EGF: variants seen among roughly 807,000 people sequenced by gnomAD.
The protein encoded by EGF is epidermal growth factor, also known as pro-epidermal growth factor.
Under a neutral mutation model 143.8 loss-of-function variants are expected in EGF, and 95 were observed. The ratio of observed to expected loss-of-function variants is 0.66; its 90% CI spans 0.56 to 0.78. The LOEUF (loss-of-function observed/expected upper bound fraction) is 0.78, where lower values mean the gene tolerates loss of function less well. Among genes scored for constraint, EGF ranks in the 30% least tolerant of loss-of-function variants. EGF has a pLI of 0.00. For synonymous variants in EGF, 510 were observed against 510.5 expected, an observed-to-expected ratio of 1.00 and a Z score of 0.01; for missense variants, 1,320 against 1,470.9, an observed-to-expected ratio of 0.90 and a Z score of 1.68.
intron 8 of EGF, 72 bp downstream of exon 8, chr4:109,962,057 GA>G: frequency 6.2e-7 from 1 of 1,600,890 alleles, no homozygotes. Context: ...TCTAAAAATT[GA>G]TCTTGTTGTC....
intron 17 of EGF, 43 bp downstream of exon 17, chr4:109,987,903 C>T (rs1416664182): frequency 1.4e-6 from 2 of 1,462,794 alleles, no homozygotes; most frequent in African/African-American, 1.4e-5. Context: ...CAATACTGAA[C>T]CAGAAACATT....
chr4:110,000,973 C>A (rs1404391261), intron 21 of EGF, among the ~76,000 whole-genome samples: 1 of 152,210 alleles, frequency 6.6e-6, no homozygotes, highest in African/African-American at 2.4e-5. Context: ...ATGGGTACTA[C>A]ACAACCACTC....
At chr4:109,986,015 T>G (rs1750062478) in intron 16 of EGF, among the ~76,000 whole-genome samples, 1 of 152,194 alleles carries the variant, frequency 6.6e-6, no homozygotes, top group Non-Finnish European at 1.5e-5. Flanking sequence ...TTAAGGTCAC[T>G]TTTTATTCTA....
rs527661168 is a variant in EGF, at chr4:109,936,252, A to G, written c.128-4694A>G. ...TGTTATTGGTCTATTCAGAGATTCA[A>G]CTTCTTCCTGGTTTAGTCTTGGGAG... On this transcript the variant is annotated intron_variant, in intron 1 of 23. Transcript: ENST00000265171. Among the ~76,000 whole-genome samples the G allele has an allele frequency of 4.6e-5, 7 of 152,242 alleles. 1 individual carries two copies. In the East Asian group the frequency reaches 1.3e-3, roughly 29 times the overall value.
intron 20 of EGF, among the ~76,000 whole-genome samples, chr4:109,998,207 AGT>A (rs1053606895): frequency 2.0e-5 from 3 of 152,228 alleles, no homozygotes; most frequent in Non-Finnish European, 2.9e-5. Flanking sequence ...ACAGTTTAAA[AGT>A]GGTGCTGCTA....
At position 109,943,402 on chromosome 4, in the gene EGF, A is replaced by G. The variant is rs763112495; in HGVS notation, c.476A>G (p.Tyr159Cys). 16 of 1,613,806 alleles carry G rather than the reference A, an allele frequency of 9.9e-6. No individual in the cohort carries two copies. Among genetic ancestry groups the G allele is most frequent in the Non-Finnish European group, 1.2e-5 (14 of 1,179,872 alleles). Reference protein sequence around the residue: ...NSHILLSALKYPANVAVDPVE... With the variant: ...NSHILLSALKCPANVAVDPVE... Reference sequence around the variant, plus strand: ...CACATTCTTTTAAGTGCTTTAAAATATCCTGCAAATGTAGCAGTTGATCCA... The same window carrying G: ...CACATTCTTTTAAGTGCTTTAAAATGTCCTGCAAATGTAGCAGTTGATCCA... The change falls in exon 3 of 24, where the codon TAT (tyrosine) becomes TGT (cysteine). Residue 159 changes from tyrosine (Y) to cysteine (C), a missense_variant. Around this residue, in one of 5 missense-constraint regions of EGF, gnomAD observed 1,186 missense variants for 1,313.7 expected, o/e 0.90. Coordinates refer to ENST00000265171, the MANE Select transcript of EGF (RefSeq NM_001963.6).
chr4:109,919,720 G>A (rs757273825), intron 1 of EGF, among the ~76,000 whole-genome samples: 5 of 151,534 alleles, frequency 3.3e-5, no homozygotes, highest in Non-Finnish European at 7.3e-5. Flanking sequence ...GGAGATCAGA[G>A]GAGAGCTCTT....
chr4:109,980,219 C>CA, intron 14 of EGF, 80 bp downstream of exon 14: 1 of 1,375,278 alleles, frequency 7.3e-7, no homozygotes, highest in Non-Finnish European at 9.8e-7. Context: ...ATGCAGTTGG[C>CA]GGGGGGGTGG....
chr4:110,008,353 C>A, intron 23 of EGF, 123 bp downstream of exon 23: 2 of 1,215,638 alleles, frequency 1.6e-6, no homozygotes, highest in Non-Finnish European at 2.4e-6. Flanking sequence ...ATTGTATAAG[C>A]TATGTGAATA....
chr4:109,981,416 A>T (rs541459474), intron 15 of EGF, among the ~76,000 whole-genome samples: 7 of 152,330 alleles, frequency 4.6e-5, no homozygotes, highest in African/African-American at 1.4e-4. Flanking sequence ...ATATCAGACA[A>T]ATGTGGGAAA....
Position 109,913,297 on chromosome 4 carries a change from C to T in EGF, c.-39C>T, listed in dbSNP as rs878879995. 1.9e-6 allele frequency: 3 copies of T among 1,611,794 alleles called. No homozygotes were observed. The highest frequency in any genetic ancestry group is 2.2e-5 in the South Asian group (2 of 90,768). ...TGCCCGGGCCATGCTCCAGCAAAAT[C>T]AAGCTGTTTTCTTTTGAAAGTTCAA... On this transcript the variant is annotated 5_prime_UTR_variant, in exon 1 of 24. It introduces an in-frame stop codon into an upstream open reading frame of the 5' UTR. Transcript: ENST00000265171.
chr4:109,975,616 T>C (rs1056718260), intron 12 of EGF, among the ~76,000 whole-genome samples: 3 of 152,222 alleles, frequency 2.0e-5, no homozygotes, highest in African/African-American at 7.2e-5. Flanking sequence ...ACAAATGCAG[T>C]GAATTTTACA....
Position 109,987,875 on chromosome 4 carries a change from C to G in EGF, c.2608+15C>G. On this transcript the variant is annotated intron_variant, in intron 17 of 23. Transcript: ENST00000265171. ...ACTATGTTCTGGTAAGAGAAAAGGG[C>G]AAATTCACATATTTGGACAATACTG... 6.3e-7 allele frequency: 1 copy of G among 1,580,466 alleles called. No individual in the cohort carries two copies. Among genetic ancestry groups the G allele is most frequent in the Non-Finnish European group, 8.7e-7 (1 of 1,149,614 alleles).
rs1222895916 is a variant in EGF at position 110,011,658 on chromosome 4, A to T, written c.*203A>T. 1 of 755,450 alleles carries T rather than the reference A, an allele frequency of 1.3e-6. No homozygotes were observed. Among genetic ancestry groups the T allele is most frequent in the Non-Finnish European group, 2.1e-6 (1 of 481,352 alleles). The allele number at this position is 755,450 out of a possible 1,614,324, so 46.8% of individuals were successfully genotyped here. On this transcript the variant is annotated 3_prime_UTR_variant, in exon 24 of 24. Coordinates refer to ENST00000265171, the MANE Select transcript of EGF (RefSeq NM_001963.6). ...CACTGCAGTCTTATTTCCAAGTAAG[A>T]GTACTGGGAGAATCACTAGGTAACT...
chr4:109,990,633 A>T (rs1291765682), intron 18 of EGF, among the ~76,000 whole-genome samples: 3 of 152,200 alleles, frequency 2.0e-5, no homozygotes, highest in Admixed American at 6.5e-5. Flanking sequence ...AGCAACAGAA[A>T]TATATCCTCT....
At chr4:109,965,381 A>T (rs1421727188) in intron 10 of EGF, among the ~76,000 whole-genome samples, 2 of 152,172 alleles carry the variant, frequency 1.3e-5, no homozygotes, top group Non-Finnish European at 2.9e-5. Context: ...TATATTTAAT[A>T]GGTATGGATT....
At chr4:109,923,128 G>C (rs1316932880) in intron 1 of EGF, among the ~76,000 whole-genome samples, 2 of 150,886 alleles carry the variant, frequency 1.3e-5, no homozygotes, top group East Asian at 3.9e-4. Context: ...AGTTAATCTT[G>C]CTATTTGTTA....
chr4:110,008,938 A>G lies in EGF; in HGVS notation c.3370+708A>G, dbSNP rs11569129. 0.015 allele frequency among the ~76,000 whole-genome samples: 2,274 copies of G among 152,294 alleles called. 227 individuals are homozygous for G. The East Asian group carries it at 0.24, about 16-fold the overall frequency. On this transcript the variant is annotated intron_variant, in intron 23 of 23. Transcript: ENST00000265171. Reference sequence around the variant, plus strand: ...GCCTTTGTGTCGTGAGCCTTTGGAAAGGTTTAGAGAAACTTTTAGCCAACA... The same window carrying G: ...GCCTTTGTGTCGTGAGCCTTTGGAAGGGTTTAGAGAAACTTTTAGCCAACA...
Position 109,913,259 on chromosome 4 carries a change from A to C in EGF, c.-77A>C. On this transcript the variant is annotated 5_prime_UTR_variant, in exon 1 of 24. Coordinates refer to ENST00000265171, the MANE Select transcript of EGF (RefSeq NM_001963.6). ...GCTCAGGCAGCCGCATCTGGGGTCA[A>C]TCATACTCACCTTGCCCGGGCCATG... The C allele has an allele frequency of 6.3e-7, 1 of 1,597,160 alleles. No homozygotes were observed. The highest frequency in any genetic ancestry group is 1.1e-5 in the South Asian group (1 of 90,138).
Sources: gnomAD v4.1 joint callset for allele counts (sites outside exome capture counted in the v4.1 genomes callset) on GRCh38, gnomAD v4.1.1 for gene constraint, gnomAD v4.1.1 regional missense constraint, MANE v1.5 for transcripts, NCBI Gene and HGNC (gene_info 2026-07-23, HGNC 2026-07-21) for gene names.